CCDC175: variants seen among roughly 807,000 people sequenced by gnomAD.
The protein encoded by CCDC175 is coiled-coil domain containing 175, also known as coiled-coil domain-containing protein 175.
Under a neutral mutation model 114.6 loss-of-function variants are expected in CCDC175, and 100 were observed. That is an observed-to-expected ratio of 0.87 (90% CI 0.74 to 1.03). CCDC175 has a LOEUF of 1.03. CCDC175 is among the 50% of genes least tolerant of loss of function. The probability of loss-of-function intolerance (pLI) is 0.00; values close to 1 mark genes in which losing one functional copy is unlikely to be tolerated. For synonymous variants in CCDC175, 306 were observed against 308.7 expected, an observed-to-expected ratio of 0.99 and a Z score of 0.09; for missense variants, 880 against 917.8, an observed-to-expected ratio of 0.96 and a Z score of 0.53.
intron 7 of CCDC175, among the ~76,000 whole-genome samples, chr14:59,558,115 C>A (rs1308292908): frequency 6.6e-6 from 1 of 152,090 alleles, no homozygotes; most frequent in Non-Finnish European, 1.5e-5. Context: ...GAAGGAAGAG[C>A]TTTTCAGGTG....
chr14:59,524,561 TG>T (rs1376415848), intron 16 of CCDC175, among the ~76,000 whole-genome samples: 1 of 152,130 alleles, frequency 6.6e-6, no homozygotes, highest in African/African-American at 2.4e-5. Flanking sequence ...ATGGTTAAAT[TG>T]AAAAAGACAG....
chr14:59,516,502 A>G (rs1469615554), intron 17 of CCDC175, among the ~76,000 whole-genome samples: 1 of 152,264 alleles, frequency 6.6e-6, no homozygotes, highest in African/African-American at 2.4e-5. Context: ...CACCGATCCC[A>G]CAGAAATACA....
chr14:59,536,523 C>T (rs912897109), intron 13 of CCDC175, among the ~76,000 whole-genome samples: 1 of 151,930 alleles, frequency 6.6e-6, no homozygotes, highest in African/African-American at 2.4e-5. Flanking sequence ...AGAAGAATGC[C>T]AGGCACCTAG....
chr14:59,525,512 T>C, intron 15 of CCDC175, 78 bp from the exon 16 acceptor site: 1 of 969,520 alleles, frequency 1.0e-6, no homozygotes. Context: ...CTAGGTCACA[T>C]TTGGAGCCAG....
intron 7 of CCDC175, among the ~76,000 whole-genome samples, chr14:59,555,339 T>C (rs1193364724): frequency 1.3e-5 from 2 of 152,218 alleles, no homozygotes; most frequent in Admixed American, 1.3e-4. Flanking sequence ...TAATCCAGCA[T>C]ATAAACAGAA....
intron 16 of CCDC175, among the ~76,000 whole-genome samples, chr14:59,524,745 C>A (rs1442379512): frequency 6.6e-6 from 1 of 151,892 alleles, no homozygotes; most frequent in Admixed American, 6.6e-5. Flanking sequence ...TGTATGTTCA[C>A]CAAAAAAACA....
At chr14:59,559,045 A>T (rs1019077330) in intron 7 of CCDC175, among the ~76,000 whole-genome samples, 2 of 152,158 alleles carry the variant, frequency 1.3e-5, no homozygotes, top group African/African-American at 4.8e-5. Context: ...TCAGGAATTG[A>T]CTAGACCACT....
chr14:59,564,350 CT>C (rs1165849620), intron 5 of CCDC175: 1 of 152,864 alleles, frequency 6.5e-6, no homozygotes, highest in African/African-American at 2.4e-5. Flanking sequence ...TCCTGGAAAA[CT>C]TCTTACCATT....
At chr14:59,549,746 A>AAAG (rs1895350059) in intron 8 of CCDC175, among the ~76,000 whole-genome samples, 1 of 150,898 alleles carries the variant, frequency 6.6e-6, no homozygotes, top group Non-Finnish European at 1.5e-5. Context: ...AGAAAAAGAA[A>AAAG]AAAAAGAAAG....
chr14:59,576,747 A>C lies in CCDC175; in HGVS notation c.29T>G (p.Leu10Arg). The change falls in exon 1 of 20, where the codon CTG becomes CGG. Residue 10 changes from leucine to arginine, a missense_variant. Physicochemically the swap from Leu to Arg is moderately radical, Grantham distance 102 (BLOSUM62 -2). Transcript: ENST00000537690. MALSPWTPGLGAGEKLVQAA... is the reference protein window; with the variant it reads MALSPWTPGRGAGEKLVQAA... ...CTGCACCAGCTTCTCGCCAGCGCCCAGCCCTGGGGTCCAGGGGCTCAGGGC... is the reference window on the plus strand; with the variant it reads ...CTGCACCAGCTTCTCGCCAGCGCCCCGCCCTGGGGTCCAGGGGCTCAGGGC... The C allele has an allele frequency of 6.8e-7, 1 of 1,470,138 alleles. No homozygotes were observed. Among genetic ancestry groups the C allele is most frequent in the Non-Finnish European group, 8.9e-7 (1 of 1,120,932 alleles). 91.1% of individuals were successfully genotyped at this position (1,470,138 alleles called of 1,614,324 possible).
At chr14:59,549,230 T>C (rs1451944089) in intron 8 of CCDC175, among the ~76,000 whole-genome samples, 1 of 152,190 alleles carries the variant, frequency 6.6e-6, no homozygotes, top group Non-Finnish European at 1.5e-5. Flanking sequence ...TAAGTATGTG[T>C]GGCTAGGGGT....
At chr14:59,521,423 C>T (rs1243154839) in intron 17 of CCDC175, 151 bp downstream of exon 17, 3 of 540,286 alleles carry the variant, frequency 5.6e-6, no homozygotes, top group Admixed American at 6.9e-5. Flanking sequence ...TTCCTTGCTC[C>T]TCAACTTGCA....
chr14:59,562,782 G>T (rs1047130729), intron 6 of CCDC175, among the ~76,000 whole-genome samples: 3 of 152,150 alleles, frequency 2.0e-5, no homozygotes, highest in African/African-American at 7.2e-5. Context: ...ATGAGCGTGG[G>T]CATGCAGATA....
intron 19 of CCDC175, among the ~76,000 whole-genome samples, chr14:59,509,832 A>G (rs548979733): frequency 1.3e-5 from 2 of 152,220 alleles, no homozygotes; most frequent in South Asian, 2.1e-4. Flanking sequence ...ATCCCATTTT[A>G]CTTTCTACAT....
At chr14:59,511,157 G>T (rs942364220) in intron 18 of CCDC175, among the ~76,000 whole-genome samples, 1 of 152,182 alleles carries the variant, frequency 6.6e-6, no homozygotes, top group Non-Finnish European at 1.5e-5. Context: ...GCAGGATCTG[G>T]GTTGTAAATT....
At chr14:59,535,663 C>A (rs1406477187) in intron 13 of CCDC175, among the ~76,000 whole-genome samples, 2 of 152,212 alleles carry the variant, frequency 1.3e-5, no homozygotes, top group East Asian at 3.9e-4. Flanking sequence ...CTAGAATGAT[C>A]CTAATTAAAG....
chr14:59,518,114 C>T (rs1336817674), intron 17 of CCDC175, among the ~76,000 whole-genome samples: 1 of 152,124 alleles, frequency 6.6e-6, no homozygotes, highest in Non-Finnish European at 1.5e-5. Context: ...AACTGGCTAG[C>T]CATATGGAGA....
chr14:59,515,510 T>C (rs1893025368), intron 17 of CCDC175, among the ~76,000 whole-genome samples: 1 of 152,118 alleles, frequency 6.6e-6, no homozygotes, highest in Admixed American at 6.5e-5. Flanking sequence ...AGGCAGGGGT[T>C]GCAATCCTAG....
chr14:59,560,084 G>T (rs566206782), intron 7 of CCDC175, among the ~76,000 whole-genome samples: 91 of 151,900 alleles, frequency 6.0e-4, no homozygotes, highest in Non-Finnish European at 1.0e-3. Flanking sequence ...GAGTTTTTTT[G>T]AGTTTTAGTT....
Sources: gnomAD v4.1 joint callset for allele counts (sites outside exome capture counted in the v4.1 genomes callset) on GRCh38, gnomAD v4.1.1 for gene constraint, MANE v1.5 for transcripts, NCBI Gene and HGNC (gene_info 2026-07-23, HGNC 2026-07-21) for gene names.